The following ZNF398 variants were observed in gnomAD, a reference collection of about 807,000 sequenced individuals.
ZNF398 encodes zinc finger DNA binding protein ZER6.
Under a neutral mutation model 41.9 loss-of-function variants are expected in ZNF398, and 18 were observed. The observed-to-expected ratio is 0.43, with a 90% CI of 0.30 to 0.64. The LOEUF (loss-of-function observed/expected upper bound fraction) is 0.64. Ranked by LOEUF, ZNF398 falls within the 30% of genes least tolerant of loss-of-function variation. The pLI is 0.14. For missense variants in ZNF398, 669 were observed against 822.8 expected (o/e 0.81, Z 2.29); for synonymous variants, 260 against 308.8 (o/e 0.84, Z 1.66).
intron 1 of ZNF398, among the ~76,000 whole-genome samples, chr7:149,152,008 G>A (rs1218840923): frequency 2.6e-5 from 4 of 151,790 alleles, no homozygotes; most frequent in Non-Finnish European, 5.9e-5. Flanking sequence ...CGAGGAGGGC[G>A]GATCACGAGG....
chr7:149,179,618 C>G lies in ZNF398; in HGVS notation c.1746C>G (p.Leu582=), dbSNP rs768227683. Reference sequence around the variant, plus strand: ...GGAGCTTCCGCTACAAACAGACACTCAAGGACCACCTCCGTTCAGGCCACA... The same window carrying G: ...GGAGCTTCCGCTACAAACAGACACTGAAGGACCACCTCCGTTCAGGCCACA... ...CGRSFRYKQT[L]KDHLRSGHNG... Residue 582 remains leucine (L), a synonymous_variant, in exon 6 of 6, where the codon CTC becomes CTG. Coordinates refer to ENST00000475153, the MANE Select transcript of ZNF398 (RefSeq NM_170686.3). This position sits in a 1 kb window ranked among gnomAD's most constrained non-coding sequence, Gnocchi z 6.1. 6.2e-7 allele frequency: 1 copy of G among 1,614,196 alleles called. No homozygotes were observed. Among genetic ancestry groups the G allele is most frequent in the Non-Finnish European group, 8.5e-7 (1 of 1,180,008 alleles).
chr7:149,156,276 G>T (rs1019227113), intron 2 of ZNF398, among the ~76,000 whole-genome samples: 1 of 151,744 alleles, frequency 6.6e-6, no homozygotes, highest in Non-Finnish European at 1.5e-5. Flanking sequence ...GGAGGTTGAG[G>T]CGGGCGGATC....
rs1563167972 is a variant in ZNF398, at chr7:149,179,287, TC to T, written c.1417del (p.His473ThrfsTer26). The T allele has an allele frequency of 6.2e-7, 1 of 1,613,096 alleles. No individual in the cohort carries two copies. Among genetic ancestry groups the T allele is most frequent in the South Asian group, 1.1e-5 (1 of 91,074 alleles). ...RSFSLKISLL[L>X]HQRGHAQERP... ...TTCAGCTTGAAAATCAGCCTCCTGC[TC>T]CACCAGCGGGGTCATGCACAAGAGC... On this transcript the variant is annotated frameshift_variant, in exon 6 of 6. Transcript: ENST00000475153. LOFTEE classifies it high-confidence loss of function. This position sits in a 1 kb window ranked among gnomAD's most constrained non-coding sequence, Gnocchi z 6.1.
rs1170670637 is a variant in ZNF398 at position 149,180,824 on chromosome 7, C to G, written c.*1023C>G. 6.6e-6 allele frequency: 1 copy of G among 152,198 alleles called. No individual in the cohort carries two copies. Among genetic ancestry groups the G allele is most frequent in the Non-Finnish European group, 1.5e-5 (1 of 68,044 alleles). 9.4% of individuals were successfully genotyped at this position (152,198 alleles called of 1,614,324 possible). A position where few individuals can be genotyped will look rare whatever the true frequency, so the allele number is the denominator to read the frequency against. On this transcript the variant is annotated 3_prime_UTR_variant, in exon 6 of 6. Transcript: ENST00000475153. ...CAGAAAGTGCCAGTGAACTCTTGGT[C>G]CTCAGTAGTGAGATGATAACAGTGT...
At position 149,180,094 on chromosome 7, in the gene ZNF398, A is replaced by G. The variant is rs949044332; in HGVS notation, c.*293A>G. On this transcript the variant is annotated 3_prime_UTR_variant, in exon 6 of 6. Transcript: ENST00000475153. ...GAATATTGCGGAGAGGTTGGAAAGCAGGATTTAACCTCTAGTTCTCTTGTT... is the reference window on the plus strand; with the variant it reads ...GAATATTGCGGAGAGGTTGGAAAGCGGGATTTAACCTCTAGTTCTCTTGTT... 4 of 288,850 alleles carry G rather than the reference A, an allele frequency of 1.4e-5. No homozygotes were observed. The Admixed American group carries it at 1.9e-4, about 14-fold the overall frequency. 17.9% of individuals were successfully genotyped at this position (288,850 alleles called of 1,614,324 possible). A position where few individuals can be genotyped will look rare whatever the true frequency, so the allele number is the denominator to read the frequency against.
At chr7:149,140,297 T>C (rs1383880837) in intron 2 of ZNF398, among the ~76,000 whole-genome samples, 1 of 152,160 alleles carries the variant, frequency 6.6e-6, no homozygotes, top group Non-Finnish European at 1.5e-5. Context: ...AAAATATAAT[T>C]CTACCATAGG....
Position 149,180,049 on chromosome 7 carries a change from A to G in ZNF398, c.*248A>G, listed in dbSNP as rs1442688810. On this transcript the variant is annotated 3_prime_UTR_variant, in exon 6 of 6. Transcript: ENST00000475153. ...AGCATGTCCATCTTTTCAAAGATAC[A>G]ACAAAAGCAGAAGTTACAAGAATAT... 4.9e-6 allele frequency: 2 copies of G among 404,698 alleles called. No individual in the cohort carries two copies. The highest frequency in any genetic ancestry group is 2.0e-5 in the African/African-American group (1 of 49,580). The allele number at this position is 404,698 out of a possible 1,614,324, so 25.1% of individuals were successfully genotyped here.
intron 2 of ZNF398, among the ~76,000 whole-genome samples, chr7:149,135,389 CAAAAAAAAAAAAA>C (rs777888671): frequency 9.8e-5 from 6 of 61,408 alleles, no homozygotes; most frequent in Non-Finnish European, 1.8e-4. Flanking sequence ...GACTCTGTCT[CAAAAAAAAAAAAA>C]AAAAAAAAAG....
chr7:149,133,678 T>TATATATATATATATACACACAC (rs1483673161), intron 2 of ZNF398, among the ~76,000 whole-genome samples: 13 of 67,024 alleles, frequency 1.9e-4, no homozygotes, highest in African/African-American at 7.9e-4. Flanking sequence ...TATATATATA[T>TATATATATATATATACACACAC]ACATATATAT....
upstream of ZNF398, among the ~76,000 whole-genome samples, chr7:149,145,219 G>A (rs1826908691): frequency 6.6e-6 from 1 of 152,174 alleles, no homozygotes; most frequent in Admixed American, 6.5e-5. Context: ...AGCAGGGTTT[G>A]ATTCATACAT....
At chr7:149,161,823 A>G (rs554255211) in intron 2 of ZNF398, among the ~76,000 whole-genome samples, 431 of 143,956 alleles carry the variant, frequency 3.0e-3, no homozygotes, top group Non-Finnish European at 4.8e-3. Flanking sequence ...AAAAAAAAAA[A>G]GGGGAATTGT....
At chr7:149,132,250 A>G (rs111446895) in intron 2 of ZNF398, among the ~76,000 whole-genome samples, 5 of 145,660 alleles carry the variant, frequency 3.4e-5, no homozygotes, top group African/African-American at 1.3e-4. Flanking sequence ...GCTGTAGTGC[A>G]ATGCTGTGAT....
At chr7:149,173,944 A>G (rs922534282) in intron 4 of ZNF398, among the ~76,000 whole-genome samples, 22 of 151,816 alleles carry the variant, frequency 1.4e-4, no homozygotes, top group African/African-American at 5.3e-4. Flanking sequence ...ACAGGCATGC[A>G]CCACCACGCC....
chr7:149,127,621 T>G (rs1208028905), intron 1 of ZNF398, among the ~76,000 whole-genome samples: 3 of 147,270 alleles, frequency 2.0e-5, no homozygotes, highest in Non-Finnish European at 4.5e-5. Context: ...GGAGGCTGAG[T>G]CGGGAGAGTG....
At chr7:149,171,337 C>G (rs1795338963) in intron 4 of ZNF398, among the ~76,000 whole-genome samples, 1 of 151,130 alleles carries the variant, frequency 6.6e-6, no homozygotes, top group African/African-American at 2.4e-5. Flanking sequence ...TTCTTTATAC[C>G]CTTTTTCTAT....
At chr7:149,149,343 C>G (rs1827052494) in intron 1 of ZNF398, among the ~76,000 whole-genome samples, 1 of 152,072 alleles carries the variant, frequency 6.6e-6, no homozygotes, top group South Asian at 2.1e-4. Flanking sequence ...AAGCGATTCT[C>G]CTGCCTCAGC....
chr7:149,160,442 A>G (rs183024759), intron 2 of ZNF398, among the ~76,000 whole-genome samples: 1 of 152,188 alleles, frequency 6.6e-6, no homozygotes, highest in Non-Finnish European at 1.5e-5. Context: ...CATTCCCTAC[A>G]TGCAGTCTTA....
intron 2 of ZNF398, among the ~76,000 whole-genome samples, chr7:149,139,386 T>G (rs1451589087): frequency 6.6e-6 from 1 of 152,106 alleles, no homozygotes; most frequent in African/African-American, 2.4e-5. Context: ...TACCTACTTT[T>G]AAATTTAGGT....
chr7:149,136,740 T>A (rs1826722026), intron 2 of ZNF398, among the ~76,000 whole-genome samples: 1 of 149,404 alleles, frequency 6.7e-6, no homozygotes, highest in African/African-American at 2.5e-5. Flanking sequence ...GCTAATTTTT[T>A]AATATTTTTA....
Sources: gnomAD v4.1 joint callset for allele counts (sites outside exome capture counted in the v4.1 genomes callset) on GRCh38, gnomAD v4.1.1 for gene constraint, Gnocchi (gnomAD v3.1) non-coding constraint, MANE v1.5 for transcripts, NCBI Gene and HGNC (gene_info 2026-07-23, HGNC 2026-07-21) for gene names.